The following CFHR2 variants were observed in gnomAD, a reference collection of about 807,000 sequenced individuals.
CFHR2 encodes the protein complement factor H-related protein 2.
A neutral mutation model predicts 21.7 loss-of-function variants in CFHR2; 22 were observed. That is an observed-to-expected ratio of 1.01 (90% CI 0.72 to 1.45). The LOEUF is 1.45. Ranked by LOEUF, CFHR2 falls within the 40% of genes most tolerant of loss-of-function variation. The pLI is 0.00. For synonymous variants in CFHR2, 98 were observed against 97.4 expected (o/e 1.01, Z -0.04); for missense variants, 294 against 293.3 (o/e 1.00, Z -0.02).
intron 1 of CFHR2, 61 bp from the exon 2 acceptor site, chr1:196,949,393 AG>A: frequency 5.5e-6 from 8 of 1,456,446 alleles, no homozygotes; most frequent in Non-Finnish European, 7.5e-6. Flanking sequence ...ATTAAAATAT[AG>A]TCTAGTGATT....
chr1:196,948,325 G>C (rs1417374147), intron 1 of CFHR2, among the ~76,000 whole-genome samples: 1 of 152,070 alleles, frequency 6.6e-6, no homozygotes. Context: ...CCCCAGGATG[G>C]TGTTTAGTGG....
rs549841110 is a variant in CFHR2 at position 196,949,612 on chromosome 1, C to T, written c.216C>T (p.Cys72=). The T allele has an allele frequency of 4.0e-5, 64 of 1,613,910 alleles. No homozygotes were observed. Among genetic ancestry groups the T allele is most frequent in the East Asian group, 2.0e-4 (9 of 44,860 alleles). ...AATCCTTTTGGACTCGCATAACGTG[C>T]GCAGAAGAAGGATGGTCACCAACAC... is the stretch of plus-strand genomic sequence containing the variant. ...PSKSFWTRIT[C]AEEGWSPTPK... The change falls in exon 2 of 5, where the codon TGC becomes TGT. Residue 72 remains cysteine (C), a synonymous_variant. Transcript: ENST00000367415.
chr1:196,950,792 G>A, intron 2 of CFHR2, 60 bp from the exon 3 acceptor site: 2 of 1,569,790 alleles, frequency 1.3e-6, no homozygotes, highest in Non-Finnish European at 1.8e-6. Flanking sequence ...ATTTTAAAAT[G>A]CAGTTGTACT....
intron 3 of CFHR2, among the ~76,000 whole-genome samples, chr1:196,955,488 C>G (rs1314263596): frequency 1.3e-5 from 2 of 152,222 alleles, no homozygotes; most frequent in East Asian, 3.9e-4. Flanking sequence ...CCCCCTGTAC[C>G]AATCTACTGT....
In CFHR2 at chr1:196,949,455, C is replaced by G. The variant is rs767614965; in HGVS notation, c.59C>G (p.Ala20Gly). ...CTTCAGTTTTGTGTTATTTTCCCAG[C>G]AATGTTCTGTGATTTTCCAAAAATA... ...ISRISSVGGE[A>G]MFCDFPKINH... The change falls in exon 2 of 5, where the codon GCA becomes GGA. Residue 20 changes from alanine (A) to glycine (G), a missense_variant and splice_region_variant. Coordinates refer to ENST00000367415, the MANE Select transcript of CFHR2 (RefSeq NM_005666.4). 2 of 1,610,612 alleles carry G rather than the reference C, an allele frequency of 1.2e-6. No individual in the cohort carries two copies. The highest frequency in any genetic ancestry group is 4.5e-5 in the East Asian group (2 of 44,826).
intron 2 of CFHR2, among the ~76,000 whole-genome samples, chr1:196,950,630 T>C (rs1199461194): frequency 6.6e-6 from 1 of 152,048 alleles, no homozygotes; most frequent in African/African-American, 2.4e-5. Context: ...CACACCACTA[T>C]GCCCGCTAAT....
intron 1 of CFHR2, among the ~76,000 whole-genome samples, chr1:196,947,680 G>A (rs1474711962): frequency 6.6e-6 from 1 of 152,016 alleles, no homozygotes; most frequent in Non-Finnish European, 1.5e-5. Flanking sequence ...TTCCAAATAA[G>A]GTGAAAAATA....
chr1:196,957,025 T>C (rs1652911383), intron 3 of CFHR2, among the ~76,000 whole-genome samples: 1 of 152,200 alleles, frequency 6.6e-6, no homozygotes, highest in African/African-American at 2.4e-5. Flanking sequence ...TCTGTTTATC[T>C]AGAAGTGTGG....
At chr1:196,948,292 G>T (rs536819577) in intron 1 of CFHR2, among the ~76,000 whole-genome samples, 2 of 149,510 alleles carry the variant, frequency 1.3e-5, no homozygotes, top group East Asian at 1.9e-4. Flanking sequence ...AATTTTTTTT[G>T]AGGTAGAGTC....
At chr1:196,952,434 T>C (rs542348296) in intron 3 of CFHR2, among the ~76,000 whole-genome samples, 1 of 152,280 alleles carries the variant, frequency 6.6e-6, no homozygotes, top group South Asian at 2.1e-4. Flanking sequence ...ATGTTATGAA[T>C]ACCAGAAAAT....
chr1:196,957,802 A>G (rs1236663142), intron 3 of CFHR2, 89 bp from the exon 4 acceptor site: 6 of 1,152,546 alleles, frequency 5.2e-6, no homozygotes, highest in Non-Finnish European at 7.6e-6. Context: ...AAAAGCCCTG[A>G]TAGACTATAA....
Position 196,950,924 on chromosome 1 carries a change from C to A in CFHR2, c.326C>A (p.Thr109Asn), listed in dbSNP as rs759476171. Reference sequence around the variant, plus strand: ...GGACAAACACATCTGGAAGGTGATACTGTACAAATTATTTGCAACACAGGA... The same window carrying A: ...GGACAAACACATCTGGAAGGTGATAATGTACAAATTATTTGCAACACAGGA... ...SSGQTHLEGDTVQIICNTGYR... is the reference protein window; with the variant it reads ...SSGQTHLEGDNVQIICNTGYR... The change falls in exon 3 of 5, where the codon ACT (threonine) becomes AAT (asparagine). Residue 109 changes from threonine to asparagine, a missense_variant. Coordinates refer to ENST00000367415, the MANE Select transcript of CFHR2 (RefSeq NM_005666.4). 1 of 1,614,014 alleles carries A rather than the reference C, an allele frequency of 6.2e-7. No homozygotes were observed. The highest frequency in any genetic ancestry group is 8.5e-7 in the Non-Finnish European group (1 of 1,179,972).
At chr1:196,956,473 T>A (rs529708917) in intron 3 of CFHR2, among the ~76,000 whole-genome samples, 13 of 152,216 alleles carry the variant, frequency 8.5e-5, no homozygotes, top group Non-Finnish European at 1.6e-4. Flanking sequence ...TTTTCTCTTC[T>A]CTTTCTGGAT....
chr1:196,945,777 AGTGTGTGTGTGTGT>A (rs201838824), intron 1 of CFHR2, among the ~76,000 whole-genome samples: 8 of 142,934 alleles, frequency 5.6e-5, no homozygotes, highest in African/African-American at 1.9e-4. Flanking sequence ...ACTGTGAGTG[AGTGTGTGTGTGTGT>A]GTGTGTGTGT....
chr1:196,946,824 A>G (rs1211739520), intron 1 of CFHR2, among the ~76,000 whole-genome samples: 1 of 152,238 alleles, frequency 6.6e-6, no homozygotes, highest in South Asian at 2.1e-4. Context: ...TAAAATACTG[A>G]TAACAATTAT....
At chr1:196,958,745 G>T in intron 4 of CFHR2, 136 bp from the exon 5 acceptor site, 1 of 593,464 alleles carries the variant, frequency 1.7e-6, no homozygotes, top group Non-Finnish European at 3.0e-6. Flanking sequence ...TCTATATTTT[G>T]TTTTTACAGC....
At chr1:196,955,773 G>T (rs934550417) in intron 3 of CFHR2, among the ~76,000 whole-genome samples, 1 of 152,072 alleles carries the variant, frequency 6.6e-6, no homozygotes, top group Non-Finnish European at 1.5e-5. Context: ...CTTGAGCTGG[G>T]GAAGCAGAGG....
chr1:196,948,113 T>C (rs531111660), intron 1 of CFHR2, among the ~76,000 whole-genome samples: 1 of 152,246 alleles, frequency 6.6e-6, no homozygotes, highest in African/African-American at 2.4e-5. Context: ...GATGTATATA[T>C]ACATATATAC....
At chr1:196,948,800 T>C (rs892923131) in intron 1 of CFHR2, among the ~76,000 whole-genome samples, 7 of 152,154 alleles carry the variant, frequency 4.6e-5, no homozygotes, top group African/African-American at 1.7e-4. Flanking sequence ...AGTATAAATA[T>C]ATAAATACAA....
Sources: gnomAD v4.1 joint callset for allele counts (sites outside exome capture counted in the v4.1 genomes callset) on GRCh38, gnomAD v4.1.1 for gene constraint, MANE v1.5 for transcripts, NCBI Gene and HGNC (gene_info 2026-07-23, HGNC 2026-07-21) for gene names.